Variants in SART1 observed in about 807,000 individuals in gnomAD.
SART1 encodes the protein U4/U6.U5 tri-snRNP-associated protein 1.
Under a neutral mutation model 105.0 loss-of-function variants are expected in SART1, and 28 were observed. The ratio of observed to expected loss-of-function variants is 0.27; its 90% confidence interval spans 0.20 to 0.37. SART1 has a LOEUF of 0.37. SART1 is among the 10% of genes least tolerant of loss of function. The pLI, the probability that SART1 is intolerant of heterozygous loss-of-function variation, is 1.00. For missense variants in SART1, 894 were observed against 1,106.5 expected (o/e 0.81, Z 2.72); for synonymous variants, 472 against 462.9 (o/e 1.02, Z -0.25).
At chr11:65,969,782 G>A (rs1265286395) in intron 12 of SART1, among the ~76,000 whole-genome samples, 1 of 152,208 alleles carries the variant, frequency 6.6e-6, no homozygotes, top group Non-Finnish European at 1.5e-5. Context: ...GAGTGCAGTG[G>A]CGCGATCTCG....
At chr11:65,962,126 C>CGGGGGGGGGGGGGG in intron 1 of SART1, 33 bp downstream of exon 1, 5 of 25,822 alleles carry the variant, frequency 1.9e-4, no homozygotes, top group Admixed American at 9.7e-4. Flanking sequence ...GGGGGCGGGT[C>CGGGGGGGGGGGGGG]GGGCGGGGGT....
At position 65,966,382 on chromosome 11, in the gene SART1, C is replaced by A. The variant is rs748251289; in HGVS notation, c.1014C>A (p.Asp338Glu). ...CTCGCTCTATCCTGTCCAAGTATGA[C>A]GAAGAGCTTGAAGGGGAGCGGCCAC... ...QKPRSILSKY[D>E]EELEGERPHS... Residue 338 changes from aspartate to glutamate, a missense_variant, in exon 9 of 20, where the codon GAC (aspartate) becomes GAA (glutamate). Around this residue, in one of 2 missense-constraint regions of SART1, gnomAD observed 712 missense variants for 778.2 expected, o/e 0.91. Transcript: ENST00000312397. The A allele has an allele frequency of 1.4e-5, 22 of 1,613,862 alleles. No individual in the cohort carries two copies. The South Asian group carries it at 2.2e-4, about 16-fold the overall frequency.
Position 65,979,586 on chromosome 11 carries a change from G to A in SART1, c.*556G>A, listed in dbSNP as rs754532. ...CAGTGCCTCCTGGGAGACTTGTCCC[G>A]TGTACAGTGACCCAGAAAGATGAGA... On this transcript the variant is annotated 3_prime_UTR_variant, in exon 20 of 20. Coordinates refer to ENST00000312397, the MANE Select transcript of SART1 (RefSeq NM_005146.5). 0.26 allele frequency: 39,814 copies of A among 155,480 alleles called. 5,559 individuals are homozygous for A. Among genetic ancestry groups the A allele is most frequent in the Middle Eastern group, 0.4 (118 of 298 alleles). The allele number at this position is 155,480 out of a possible 1,614,324, so 9.6% of individuals were successfully genotyped here. A position where few individuals can be genotyped will look rare whatever the true frequency, so the allele number is the denominator to read the frequency against.
chr11:65,962,360 G>C (rs1375536115), intron 1 of SART1, among the ~76,000 whole-genome samples: 3 of 152,222 alleles, frequency 2.0e-5, no homozygotes, highest in Non-Finnish European at 4.4e-5. Flanking sequence ...CGGTTGTTTA[G>C]GATTAGAGGT....
intron 1 of SART1, 87 bp downstream of exon 1, chr11:65,962,180 C>G (rs547426809): frequency 9.8e-7 from 1 of 1,020,266 alleles, no homozygotes; most frequent in African/African-American, 1.7e-5. Flanking sequence ...GTCAGCGAAG[C>G]TCTTCAGGCC....
intron 1 of SART1, 33 bp downstream of exon 1, chr11:65,962,126 C>CTGGCGGGGGGGGGGGGGG: frequency 3.9e-5 from 1 of 25,830 alleles, no homozygotes; most frequent in Non-Finnish European, 6.4e-5. Flanking sequence ...GGGGGCGGGT[C>CTGGCGGGGGGGGGGGGGG]GGGCGGGGGT....
intron 2 of SART1, 25 bp downstream of exon 2, chr11:65,964,156 A>G (rs777698984): frequency 1.9e-6 from 3 of 1,609,050 alleles, no homozygotes; most frequent in Non-Finnish European, 2.5e-6. Flanking sequence ...CCTTGTTTCT[A>G]CTTTGTTTTT....
At chr11:65,972,238 G>T (rs1354651039) in intron 12 of SART1, among the ~76,000 whole-genome samples, 2 of 152,108 alleles carry the variant, frequency 1.3e-5, no homozygotes, top group Non-Finnish European at 2.9e-5. Context: ...GTGGCAGTGT[G>T]GGATTGCATA....
chr11:65,962,911 C>T (rs1181369526), intron 1 of SART1, among the ~76,000 whole-genome samples: 2 of 151,752 alleles, frequency 1.3e-5, no homozygotes, highest in Non-Finnish European at 2.9e-5. Context: ...TGAATTTTGG[C>T]TTGAGCAGCC....
intron 12 of SART1, among the ~76,000 whole-genome samples, chr11:65,973,183 G>T (rs540127670): frequency 6.6e-6 from 1 of 151,952 alleles, no homozygotes; most frequent in African/African-American, 2.4e-5. Flanking sequence ...CAAAAAAAAA[G>T]AAATTGAGAA....
chr11:65,965,676 C>A, intron 5 of SART1, 26 bp from the exon 6 acceptor site: 1 of 1,607,398 alleles, frequency 6.2e-7, no homozygotes, highest in South Asian at 1.1e-5. Context: ...GCCTGAAGTC[C>A]TAGGTCACCC....
intron 12 of SART1, among the ~76,000 whole-genome samples, chr11:65,970,725 G>T (rs923072938): frequency 6.6e-6 from 1 of 150,582 alleles, no homozygotes; most frequent in Middle Eastern, 3.4e-3. Flanking sequence ...GAGCAGGCCT[G>T]CCAGTGGCAG....
chr11:65,977,299 G>C lies in SART1; in HGVS notation c.1945+198G>C, dbSNP rs561558855. ...TGCCTTTGAGGCTCCACACCTGCTT[G>C]GGGAAGGAGAGGGGAGTTGAAACTG... On this transcript the variant is annotated intron_variant, in intron 15 of 19. Transcript: ENST00000312397. 2.0e-5 allele frequency among the ~76,000 whole-genome samples: 3 copies of C among 152,328 alleles called. No individual in the cohort carries two copies. In the South Asian group the frequency reaches 6.2e-4, roughly 32 times the overall value.
At chr11:65,975,103 T>C (rs1357932241) in intron 12 of SART1, among the ~76,000 whole-genome samples, 1 of 144,816 alleles carries the variant, frequency 6.9e-6, no homozygotes, top group Non-Finnish European at 1.5e-5. Context: ...CTGGAAGACT[T>C]TTTTTTTTTT....
Position 65,977,038 on chromosome 11 carries a change from C to T in SART1, c.1882C>T (p.Leu628=), listed in dbSNP as rs1268699643. 1 of 1,614,070 alleles carries T rather than the reference C, an allele frequency of 6.2e-7. No homozygotes were observed. The highest frequency in any genetic ancestry group is 1.7e-5 in the Admixed American group (1 of 60,016). The part of the protein sequence containing the change: ...QDFSASSTTI[L]DEEPIVNRGL... ...GTTCTCTGCTTCCTCCACCACCATCCTGGACGAGGAACCGATCGTGAATAG... is the reference window on the plus strand; with the variant it reads ...GTTCTCTGCTTCCTCCACCACCATCTTGGACGAGGAACCGATCGTGAATAG... The change falls in exon 15 of 20, where the codon CTG becomes TTG. Residue 628 remains leucine (L), a synonymous_variant. Transcript: ENST00000312397.
rs1855544828 is a variant in SART1, at chr11:65,979,288, C to G, written c.*258C>G. 3.4e-6 allele frequency: 2 copies of G among 592,572 alleles called. No individual in the cohort carries two copies. The highest frequency in any genetic ancestry group is 5.6e-5 in the East Asian group (2 of 35,666). 36.7% of individuals were successfully genotyped at this position (592,572 alleles called of 1,614,324 possible). A position where few individuals can be genotyped will look rare whatever the true frequency, so the allele number is the denominator to read the frequency against. ...CGGTCACACCTCTGCAGGGCCGGCT[C>G]TCTGATAGAAAGTGGAAGGCGGTTT... On this transcript the variant is annotated 3_prime_UTR_variant, in exon 20 of 20. Transcript: ENST00000312397.
intron 12 of SART1, among the ~76,000 whole-genome samples, chr11:65,973,544 C>T (rs549073557): frequency 6.6e-5 from 10 of 152,294 alleles, no homozygotes; most frequent in Admixed American, 2.0e-4. Flanking sequence ...GGACATGGAG[C>T]GGCCAGAGTC....
intron 12 of SART1, among the ~76,000 whole-genome samples, chr11:65,973,198 A>C (rs553399245): frequency 2.0e-4 from 31 of 152,300 alleles, no homozygotes; most frequent in Admixed American, 3.3e-4. Flanking sequence ...TGAGAACGTA[A>C]GTTTTTTGTT....
At chr11:65,972,311 T>C (rs1167409898) in intron 12 of SART1, among the ~76,000 whole-genome samples, 2 of 151,082 alleles carry the variant, frequency 1.3e-5, no homozygotes, top group Admixed American at 1.3e-4. Context: ...CGTGTCCCAG[T>C]GGGAAGAGTC....
Sources: allele counts gnomAD v4.1 joint callset (sites outside exome capture counted in the v4.1 genomes callset), GRCh38; gene constraint gnomAD v4.1.1; regional missense constraint gnomAD v4.1.1; transcripts MANE v1.5; gene names NCBI Gene and HGNC (gene_info 2026-07-23, HGNC 2026-07-21).